Variants in FMN1 observed in about 807,000 individuals in gnomAD.
FMN1 encodes the protein formin 1.
A neutral mutation model predicts 132.4 loss-of-function variants in FMN1; 110 were observed. The ratio of observed to expected loss-of-function variants is 0.83; its 90% CI spans 0.71 to 0.97. The LOEUF is 0.97. Ranked by LOEUF, FMN1 falls within the 50% of genes least tolerant of loss-of-function variation. FMN1 has a pLI of 0.00. For missense variants in FMN1, 1,792 were observed against 1,705.3 expected, an observed-to-expected ratio of 1.05 and a Z score of -0.90; for synonymous variants, 722 against 651.7, an observed-to-expected ratio of 1.11 and a Z score of -1.64.
intron 9 of FMN1, among the ~76,000 whole-genome samples, chr15:32,940,466 G>A (rs2061377954): frequency 6.6e-6 from 1 of 151,530 alleles, no homozygotes; most frequent in Non-Finnish European, 1.5e-5. Flanking sequence ...AGTTTAAAGA[G>A]GGCAAACATA....
chr15:33,007,511 C>G lies in FMN1; in HGVS notation c.2223+503G>C, dbSNP rs1168580772. Among the ~76,000 whole-genome samples, 3 of 152,076 alleles carry G rather than the reference C, an allele frequency of 2.0e-5. No individual in the cohort carries two copies. The East Asian group carries it at 5.8e-4, about 29-fold the overall frequency. On this transcript the variant is annotated intron_variant, in intron 7 of 20. Coordinates refer to ENST00000616417, the MANE Select transcript of FMN1 (RefSeq NM_001277313.2). ...CGGGCTTCACAAGGGAGGATCAGGT[C>G]AACAATTTCCCAGCACTCTCTGAGG...
At chr15:33,010,496 T>C (rs1056789629) in intron 6 of FMN1, among the ~76,000 whole-genome samples, 3 of 152,174 alleles carry the variant, frequency 2.0e-5, no homozygotes, top group East Asian at 1.9e-4. Flanking sequence ...AAATATTATA[T>C]TGGTAAATAT....
intron 7 of FMN1, among the ~76,000 whole-genome samples, chr15:33,000,795 G>A (rs1183140246): frequency 6.6e-6 from 1 of 152,168 alleles, no homozygotes; most frequent in Non-Finnish European, 1.5e-5. Flanking sequence ...GTTCTTCCCT[G>A]TACGTGGTAA....
At chr15:33,063,871 A>G (rs1028869957) in intron 6 of FMN1, 3 of 152,174 alleles carry the variant, frequency 2.0e-5, no homozygotes, top group Non-Finnish European at 4.4e-5. Flanking sequence ...CACAATTATG[A>G]TTTTTGGAAA....
At chr15:33,067,489 G>T (rs766272412) in intron 5 of FMN1, 17 of 1,613,958 alleles carry the variant, frequency 1.1e-5, no homozygotes, top group Non-Finnish European at 1.1e-5. Flanking sequence ...AAATGACATC[G>T]TCTTTTGTCC....
In FMN1 at chr15:32,888,153, G is replaced by A. The variant is rs1172583648; in HGVS notation, c.3835+19C>T. 2 of 1,588,004 alleles carry A rather than the reference G, an allele frequency of 1.3e-6. No homozygotes were observed. The highest frequency in any genetic ancestry group is 8.6e-7 in the Non-Finnish European group (1 of 1,168,918). On this transcript the variant is annotated intron_variant, in intron 16 of 20. Transcript: ENST00000616417. The stretch of plus-strand genomic sequence containing the variant: ...AGTAATCTTAGCTATTATCATAATA[G>A]CAGAACAGTTCCTATTACCTTCTAG...
chr15:32,997,407 G>C (rs2033837178), intron 7 of FMN1, among the ~76,000 whole-genome samples: 2 of 150,964 alleles, frequency 1.3e-5, no homozygotes, highest in South Asian at 4.2e-4. Flanking sequence ...CAGGACGAGA[G>C]AAAAAATTAA....
At chr15:33,004,156 A>T (rs2034276352) in intron 7 of FMN1, among the ~76,000 whole-genome samples, 1 of 152,156 alleles carries the variant, frequency 6.6e-6, no homozygotes, top group African/African-American at 2.4e-5. Flanking sequence ...TGTCTAAAAC[A>T]CCAAAAGCAA....
At chr15:33,117,481 A>C (rs961385521) in intron 4 of FMN1, among the ~76,000 whole-genome samples, 4 of 152,194 alleles carry the variant, frequency 2.6e-5, no homozygotes, top group Non-Finnish European at 5.9e-5. Context: ...GCTCTTGAAC[A>C]TCTTTTTCCC....
chr15:33,133,989 A>T (rs923423152), intron 4 of FMN1, among the ~76,000 whole-genome samples: 9 of 151,938 alleles, frequency 5.9e-5, no homozygotes, highest in South Asian at 2.1e-4. Flanking sequence ...GAAAGGTCTC[A>T]CTCTCCCAGG....
At chr15:33,032,008 A>T (rs1016551368) in intron 6 of FMN1, among the ~76,000 whole-genome samples, 1 of 152,266 alleles carries the variant, frequency 6.6e-6, no homozygotes, top group Non-Finnish European at 1.5e-5. Flanking sequence ...TGTTACAATC[A>T]TTAACAACAA....
intron 10 of FMN1, among the ~76,000 whole-genome samples, chr15:32,914,127 T>C (rs1254456619): frequency 6.6e-6 from 1 of 152,214 alleles, no homozygotes; most frequent in Admixed American, 6.5e-5. Context: ...ACTTCAAAGA[T>C]GAGTTTTCTC....
At chr15:32,962,852 G>A (rs2030738927) in intron 9 of FMN1, among the ~76,000 whole-genome samples, 2 of 151,684 alleles carry the variant, frequency 1.3e-5, no homozygotes, top group African/African-American at 4.9e-5. Flanking sequence ...AACAGGTGCT[G>A]GAGAGCATGT....
intron 7 of FMN1, among the ~76,000 whole-genome samples, chr15:32,992,105 A>G (rs2033470407): frequency 6.6e-6 from 1 of 152,122 alleles, no homozygotes. Flanking sequence ...ATGTTGCCAG[A>G]TTTGTAATGC....
chr15:33,183,194 T>C (rs1272929598), intron 2 of FMN1, among the ~76,000 whole-genome samples: 1 of 152,224 alleles, frequency 6.6e-6, no homozygotes, highest in Non-Finnish European at 1.5e-5. Flanking sequence ...TGTATAACTT[T>C]AGGATATTAC....
chr15:33,011,884 G>C (rs565828807), intron 6 of FMN1, among the ~76,000 whole-genome samples: 1 of 152,298 alleles, frequency 6.6e-6, no homozygotes, highest in East Asian at 1.9e-4. Flanking sequence ...TCTGACAACA[G>C]AGCCTTGGTG....
At chr15:33,117,025 T>C (rs2039954897) in intron 4 of FMN1, among the ~76,000 whole-genome samples, 1 of 152,172 alleles carries the variant, frequency 6.6e-6, no homozygotes. Flanking sequence ...CTGACCCAAA[T>C]TTCAGAGGAG....
At chr15:32,885,856 T>A (rs897827203) in intron 16 of FMN1, among the ~76,000 whole-genome samples, 1 of 152,040 alleles carries the variant, frequency 6.6e-6, no homozygotes, top group Non-Finnish European at 1.5e-5. Flanking sequence ...TAGGGCCTGA[T>A]ACTTCTTGAA....
At position 32,922,230 on chromosome 15, in the gene FMN1, G is replaced by A. The variant is rs932549988; in HGVS notation, c.3226+3944C>T. Among the ~76,000 whole-genome samples the A allele has an allele frequency of 2.0e-5, 3 of 152,138 alleles. No individual in the cohort carries two copies. The South Asian group carries it at 6.2e-4, about 32-fold the overall frequency. On this transcript the variant is annotated intron_variant, in intron 10 of 20. Transcript: ENST00000616417. ...TGGCACTCTATACAGTTTTATGGAA[G>A]GAAAGAAGGCAGGCAAGCAGGCAGT...
Sources: gnomAD v4.1 joint callset for allele counts (sites outside exome capture counted in the v4.1 genomes callset) on GRCh38, gnomAD v4.1.1 for gene constraint, MANE v1.5 for transcripts, NCBI Gene and HGNC (gene_info 2026-07-23, HGNC 2026-07-21) for gene names.